Variants in SLC16A2 observed in about 807,000 individuals in gnomAD.
SLC16A2 encodes the protein monocarboxylate transporter 8.
SLC16A2 carries 3 observed loss-of-function variants against 27.2 expected under a neutral mutation model. The observed-to-expected ratio is 0.11, with a 90% CI of 0.05 to 0.28. SLC16A2 has a LOEUF of 0.28. Among genes scored for constraint, SLC16A2 ranks in the 10% least tolerant of loss-of-function variants. The probability of loss-of-function intolerance (pLI) is 1.00; values close to 1 mark genes in which losing one functional copy is unlikely to be tolerated. For missense variants in SLC16A2, 295 were observed against 458.5 expected, an observed-to-expected ratio of 0.64 and a Z score of 3.26; for synonymous variants, 202 against 187.8, an observed-to-expected ratio of 1.08 and a Z score of -0.62.
chrX:74,445,158 G>A (rs759713387), intron 1 of SLC16A2, among the ~76,000 whole-genome samples: 2 of 111,896 alleles, frequency 1.8e-5, no homozygotes, highest in Non-Finnish European at 3.8e-5. Flanking sequence ...ATAATAAGTG[G>A]CAAGTTCTAA....
intron 1 of SLC16A2, among the ~76,000 whole-genome samples, chrX:74,449,568 G>A (rs1477229865): frequency 8.9e-6 from 1 of 112,065 alleles, no homozygotes; most frequent in Non-Finnish European, 1.9e-5. Flanking sequence ...CTTCTCAAAG[G>A]CAGTCAGATG....
intron 1 of SLC16A2, among the ~76,000 whole-genome samples, chrX:74,437,686 C>T (rs1207988100): frequency 1.8e-5 from 2 of 112,237 alleles, no homozygotes; most frequent in African/African-American, 3.2e-5. Flanking sequence ...CTGCCTTCCT[C>T]ACAGAATATC....
chrX:74,484,794 C>G lies in SLC16A2; in HGVS notation c.431-36196C>G, dbSNP rs1350664269. Among the ~76,000 whole-genome samples, 3 of 112,302 alleles carry G rather than the reference C, an allele frequency of 2.7e-5. No homozygotes were observed. In the East Asian group the frequency reaches 8.4e-4, roughly 31 times the overall value. On this transcript the variant is annotated intron_variant, in intron 1 of 5. Transcript: ENST00000587091. The stretch of plus-strand genomic sequence containing the variant: ...TGTCAGGGTGGCAAGGCTGCCTGCA[C>G]CAGGTCCATTCTGTCCCTTGGTGGG...
At chrX:74,470,764 C>T (rs2767394) in intron 1 of SLC16A2, among the ~76,000 whole-genome samples, 1,779 of 110,479 alleles carry the variant, frequency 0.016, 45 homozygotes, top group African/African-American at 0.05. Context: ...CAGTGAAACC[C>T]CGTCTCTACT....
chrX:74,480,243 G>A (rs1267898152), intron 1 of SLC16A2, among the ~76,000 whole-genome samples: 2 of 112,329 alleles, frequency 1.8e-5, no homozygotes, highest in African/African-American at 6.5e-5. Flanking sequence ...TGCTGTGCTA[G>A]CAATGAATGA....
intron 1 of SLC16A2, among the ~76,000 whole-genome samples, chrX:74,511,021 T>A (rs56077000): frequency 2.7e-5 from 3 of 109,988 alleles, no homozygotes; most frequent in African/African-American, 9.9e-5. Context: ...CAGTGAGCCA[T>A]GATTGTGCCA....
At chrX:74,425,894 A>G (rs1405047356) in intron 1 of SLC16A2, among the ~76,000 whole-genome samples, 1 of 112,130 alleles carries the variant, frequency 8.9e-6, no homozygotes, top group African/African-American at 3.2e-5. Context: ...AAGGGGGGTC[A>G]AGGCTGAGGC....
chrX:74,470,924 C>T (rs1014294923), intron 1 of SLC16A2, among the ~76,000 whole-genome samples: 4 of 110,126 alleles, frequency 3.6e-5, no homozygotes, highest in South Asian at 3.9e-4. Flanking sequence ...GGCTACAGAG[C>T]GAGACTCCGT....
At chrX:74,452,154 GT>G (rs1240143494) in intron 1 of SLC16A2, among the ~76,000 whole-genome samples, 1 of 112,441 alleles carries the variant, frequency 8.9e-6, no homozygotes, top group African/African-American at 3.2e-5. Flanking sequence ...TGGAGGCTGG[GT>G]CAGCCAGTTT....
chrX:74,513,978 A>G (rs1427526720), intron 1 of SLC16A2, among the ~76,000 whole-genome samples: 1 of 111,963 alleles, frequency 8.9e-6, no homozygotes, highest in Non-Finnish European at 1.9e-5. Context: ...ATAAATTAAT[A>G]TAACATGTGA....
At chrX:74,529,047 T>C (rs1444661258) in intron 4 of SLC16A2, among the ~76,000 whole-genome samples, 166 bp from the exon 5 acceptor site, 1 of 111,868 alleles carries the variant, frequency 8.9e-6, no homozygotes, top group African/African-American at 3.3e-5. Flanking sequence ...GTGCAAGACT[T>C]TGAAAGGGCC....
At chrX:74,491,080 G>A (rs751270913) in intron 1 of SLC16A2, among the ~76,000 whole-genome samples, 1 of 111,520 alleles carries the variant, frequency 9.0e-6, no homozygotes, top group African/African-American at 3.3e-5. Flanking sequence ...GAGGTCCCAC[G>A]TTGGGTGCAA....
chrX:74,437,249 A>G (rs1928645395), intron 1 of SLC16A2, among the ~76,000 whole-genome samples: 1 of 112,398 alleles, frequency 8.9e-6, no homozygotes, highest in Non-Finnish European at 1.9e-5. Flanking sequence ...GGAAGTCCAA[A>G]TAAGGCCCCC....
At chrX:74,473,526 C>G (rs1929400310) in intron 1 of SLC16A2, 1 of 637,726 alleles carries the variant, frequency 1.6e-6, no homozygotes, top group Non-Finnish European at 2.6e-6. Context: ...TTACCACTGC[C>G]TCAGTCGGTC....
At chrX:74,499,458 T>C (rs1296538284) in intron 1 of SLC16A2, among the ~76,000 whole-genome samples, 1 of 107,681 alleles carries the variant, frequency 9.3e-6, no homozygotes, top group African/African-American at 3.4e-5. Flanking sequence ...TTTCTTTCTT[T>C]TTTTTTTTTT....
At position 74,525,811 on chromosome X, in the gene SLC16A2, T is replaced by C. The variant is rs1930479467; in HGVS notation, c.1088T>C (p.Ile363Thr). 2.5e-6 allele frequency: 3 copies of C among 1,211,331 alleles called. No homozygotes were observed. Among genetic ancestry groups the C allele is most frequent in the Non-Finnish European group, 3.4e-6 (3 of 895,147 alleles). Residue 363 changes from isoleucine (I) to threonine (T), a missense_variant, in exon 4 of 6, where the codon ATT becomes ACT. Ile to Thr is a moderately conservative substitution (Grantham distance 89, BLOSUM62 -1). Transcript: ENST00000587091. ...IKETWVLLVC[I>T]GATSGLGRLV... is the part of the protein sequence containing the mutation. Reference sequence around the variant, plus strand: ...GAGACCTGGGTGCTCTTGGTGTGTATTGGGGCTACCTCAGGCCTTGGGCGT... The same window carrying C: ...GAGACCTGGGTGCTCTTGGTGTGTACTGGGGCTACCTCAGGCCTTGGGCGT...
intron 1 of SLC16A2, among the ~76,000 whole-genome samples, chrX:74,475,660 A>T (rs1458647802): frequency 1.8e-5 from 2 of 111,981 alleles, no homozygotes; most frequent in Non-Finnish European, 3.8e-5. Flanking sequence ...TTTTAGTATA[A>T]GGTGTAAGGA....
chrX:74,482,115 TC>T (rs778983329), intron 1 of SLC16A2, among the ~76,000 whole-genome samples: 14 of 111,478 alleles, frequency 1.3e-4, no homozygotes, highest in Admixed American at 6.7e-4. Context: ...TTTGAATATG[TC>T]ATTCCTCTAT....
At chrX:74,499,002 A>C (rs1300607383) in intron 1 of SLC16A2, among the ~76,000 whole-genome samples, 1 of 111,374 alleles carries the variant, frequency 9.0e-6, no homozygotes, top group African/African-American at 3.3e-5. Flanking sequence ...CCTAGGCCAG[A>C]CCCCAGTCAG....
Sources: gnomAD v4.1 joint callset for allele counts (sites outside exome capture counted in the v4.1 genomes callset) on GRCh38, gnomAD v4.1.1 for gene constraint, MANE v1.5 for transcripts, NCBI Gene and HGNC (gene_info 2026-07-23, HGNC 2026-07-21) for gene names.